The following TRPM6 variants were observed in gnomAD, a reference collection of about 807,000 sequenced individuals.
TRPM6 encodes channel kinase 2.
Under a neutral mutation model 247.6 loss-of-function variants are expected in TRPM6, and 111 were observed. The observed-to-expected ratio is 0.45, with a 90% CI of 0.38 to 0.52. The LOEUF is 0.52. TRPM6 is among the 20% of genes least tolerant of loss of function. The probability of loss-of-function intolerance (pLI) is 0.00; values close to 1 mark genes in which losing one functional copy is unlikely to be tolerated. For synonymous variants in TRPM6, 892 were observed against 853.8 expected, an observed-to-expected ratio of 1.04 and a Z score of -0.78; for missense variants, 2,126 against 2,421.5, an observed-to-expected ratio of 0.88 and a Z score of 2.56.
At chr9:74,839,607 G>A (rs1417307668) in intron 5 of TRPM6, among the ~76,000 whole-genome samples, 1 of 152,042 alleles carries the variant, frequency 6.6e-6, no homozygotes, top group Non-Finnish European at 1.5e-5. Flanking sequence ...CTGTAGTTGG[G>A]AGCTCAGGAA....
intron 32 of TRPM6, among the ~76,000 whole-genome samples, chr9:74,742,852 G>C (rs77162819): frequency 0.026 from 3,973 of 152,204 alleles, 168 homozygotes; most frequent in African/African-American, 0.088. Flanking sequence ...TATGTCACAT[G>C]GTCTGAGGTA....
At chr9:74,852,936 C>A (rs1830390639) in intron 3 of TRPM6, among the ~76,000 whole-genome samples, 1 of 152,002 alleles carries the variant, frequency 6.6e-6, no homozygotes, top group East Asian at 1.9e-4. Context: ...TGAGGAGCAT[C>A]TCTGCTTGGC....
intron 27 of TRPM6, 105 bp downstream of exon 27, chr9:74,761,591 T>C (rs977185643): frequency 9.1e-6 from 7 of 768,640 alleles, no homozygotes; most frequent in African/African-American, 1.7e-5. Flanking sequence ...TTCAACACAA[T>C]GTTATTTTGT....
chr9:74,782,597 A>G (rs1376305872), intron 22 of TRPM6, 82 bp downstream of exon 22: 2 of 1,540,964 alleles, frequency 1.3e-6, no homozygotes, highest in Non-Finnish European at 9.0e-7. Context: ...TTTAAGATTT[A>G]GATGATTGTT....
chr9:74,766,554 T>G (rs2118859311), intron 25 of TRPM6, among the ~76,000 whole-genome samples: 1 of 152,336 alleles, frequency 6.6e-6, no homozygotes, highest in South Asian at 2.1e-4. Context: ...CTACCTGTAC[T>G]GTTTTATTTA....
intron 7 of TRPM6, 96 bp downstream of exon 7, chr9:74,827,682 G>A (rs760209285): frequency 2.3e-6 from 3 of 1,309,166 alleles, no homozygotes; most frequent in African/African-American, 1.4e-5. Flanking sequence ...TAGCTTGAGG[G>A]GACTAGGAGA....
intron 1 of TRPM6, among the ~76,000 whole-genome samples, chr9:74,884,504 TATACATAC>T (rs4013871): frequency 9.1e-4 from 135 of 148,100 alleles, no homozygotes; most frequent in Middle Eastern, 3.5e-3. Context: ...TAAATACATA[TATACATAC>T]ATACATACAT....
intron 30 of TRPM6, among the ~76,000 whole-genome samples, chr9:74,749,784 C>T (rs2118781298): frequency 6.6e-6 from 1 of 152,292 alleles, no homozygotes; most frequent in South Asian, 2.1e-4. Context: ...ACTACTGAAC[C>T]TTTGGGAGAA....
chr9:74,854,794 G>A (rs1168319477), intron 3 of TRPM6, among the ~76,000 whole-genome samples: 1 of 152,146 alleles, frequency 6.6e-6, no homozygotes, highest in Non-Finnish European at 1.5e-5. Context: ...TTTCCAAGTA[G>A]CTGAGTATAC....
At chr9:74,801,833 A>G (rs1397776243) in intron 16 of TRPM6, 65 bp downstream of exon 16, 7 of 1,585,254 alleles carry the variant, frequency 4.4e-6, no homozygotes, top group Non-Finnish European at 6.0e-6. Flanking sequence ...GATGAGAGAG[A>G]TAAAAGTGTC....
At chr9:74,753,617 G>A (rs865966380) in intron 28 of TRPM6, among the ~76,000 whole-genome samples, 35 of 152,084 alleles carry the variant, frequency 2.3e-4, no homozygotes, top group African/African-American at 7.7e-4. Context: ...GATCGCTTGA[G>A]CCCAGGAGGT....
chr9:74,887,255 G>T lies in TRPM6; in HGVS notation c.33+569C>A, dbSNP rs749361159. On this transcript the variant is annotated intron_variant, in intron 1 of 38. Coordinates refer to ENST00000360774, the MANE Select transcript of TRPM6 (RefSeq NM_017662.5). ...CCGTAACCGGCGCTGTCATCGCTCC[G>T]GGACTCCTGCACGGGGAACACTGGG... 2.2e-5 allele frequency: 29 copies of T among 1,301,354 alleles called. No homozygotes were observed. The East Asian group carries it at 2.3e-4, about 10-fold the overall frequency. The allele number at this position is 1,301,354 out of a possible 1,614,324, so 80.6% of individuals were successfully genotyped here.
intron 6 of TRPM6, among the ~76,000 whole-genome samples, chr9:74,832,214 C>G (rs577213587): frequency 6.6e-6 from 1 of 152,250 alleles, no homozygotes; most frequent in South Asian, 2.1e-4. Flanking sequence ...CTGGAGGAAA[C>G]TCTTCAGAAC....
intron 37 of TRPM6, among the ~76,000 whole-genome samples, chr9:74,730,765 C>G (rs1344205940): frequency 1.3e-5 from 2 of 152,076 alleles, no homozygotes; most frequent in Admixed American, 6.6e-5. Context: ...AATGTGAGCC[C>G]CATTGAACTA....
At chr9:74,763,347 G>A (rs748126953) in intron 25 of TRPM6, among the ~76,000 whole-genome samples, 27 of 152,110 alleles carry the variant, frequency 1.8e-4, no homozygotes, top group Non-Finnish European at 3.1e-4. Flanking sequence ...CCATAGGAGA[G>A]GAAAAACTTA....
chr9:74,764,507 G>C (rs59197164), intron 25 of TRPM6, among the ~76,000 whole-genome samples: 2,692 of 152,284 alleles, frequency 0.018, 82 homozygotes, highest in African/African-American at 0.062. Flanking sequence ...GAAGCTAGAA[G>C]AGGCAAGGAA....
intron 6 of TRPM6, among the ~76,000 whole-genome samples, chr9:74,828,158 C>A (rs1301922262): frequency 6.6e-6 from 1 of 151,738 alleles, no homozygotes; most frequent in African/African-American, 2.4e-5. Flanking sequence ...TAGAGACCAG[C>A]CTTACTAACA....
chr9:74,820,687 G>C (rs1361884667), intron 8 of TRPM6, among the ~76,000 whole-genome samples: 1 of 152,114 alleles, frequency 6.6e-6, no homozygotes, highest in Non-Finnish European at 1.5e-5. Flanking sequence ...GATCACTTGA[G>C]GCCAGGAGTT....
chr9:74,759,336 A>G (rs1428844734), intron 27 of TRPM6, among the ~76,000 whole-genome samples: 1 of 152,098 alleles, frequency 6.6e-6, no homozygotes, highest in African/African-American at 2.4e-5. Flanking sequence ...GACCTTTAAT[A>G]TATGACTCAA....
Sources: allele counts gnomAD v4.1 joint callset (sites outside exome capture counted in the v4.1 genomes callset), GRCh38; gene constraint gnomAD v4.1.1; transcripts MANE v1.5; gene names NCBI Gene and HGNC (gene_info 2026-07-23, HGNC 2026-07-21).